The following CAST variants were observed in gnomAD, a reference collection of about 807,000 sequenced individuals.
CAST encodes the protein calpastatin.
In CAST, 76 loss-of-function variants were observed where a neutral mutation model predicts 119.6. The ratio of observed to expected loss-of-function variants is 0.64; its 90% CI spans 0.53 to 0.77. The LOEUF is 0.77. Ranked by LOEUF, CAST falls within the 30% of genes least tolerant of loss-of-function variation. CAST has a pLI of 0.00. For synonymous variants in CAST, 319 were observed against 331.6 expected (o/e 0.96, Z 0.41); for missense variants, 953 against 946.5 (o/e 1.01, Z -0.09).
At chr5:96,117,967 G>A in the CAST span, among the ~76,000 whole-genome samples, 1 of 152,136 alleles carries the variant, frequency 6.6e-6, no homozygotes, top group South Asian at 2.1e-4. Context: ...CTGTCTTTAG[G>A]TTGTTTGGAA....
chr5:96,338,985 C>G, the CAST span, among the ~76,000 whole-genome samples: 2 of 152,156 alleles, frequency 1.3e-5, no homozygotes, highest in Non-Finnish European at 2.9e-5. Flanking sequence ...TGCTCCATTT[C>G]AGTAACAGCA....
chr5:96,628,691 TAGTC>T (rs1320660292), intron 1 of CAST, among the ~76,000 whole-genome samples: 3 of 152,108 alleles, frequency 2.0e-5, no homozygotes, highest in African/African-American at 4.8e-5. Flanking sequence ...AGGATAATAA[TAGTC>T]AGAGATCATC....
chr5:96,620,145 C>T (rs1253976368), intron 1 of CAST, among the ~76,000 whole-genome samples: 1 of 152,206 alleles, frequency 6.6e-6, no homozygotes, highest in Non-Finnish European at 1.5e-5. Flanking sequence ...TTCAGTGCTA[C>T]TGAAATTCCT....
chr5:96,627,968 T>C (rs970778012), intron 1 of CAST, among the ~76,000 whole-genome samples: 1 of 152,274 alleles, frequency 6.6e-6, no homozygotes, highest in Admixed American at 6.5e-5. Context: ...CTCCGTTGAT[T>C]GACATCTGTG....
At chr5:95,994,289 A>T in the CAST span, among the ~76,000 whole-genome samples, 1 of 152,240 alleles carries the variant, frequency 6.6e-6, no homozygotes, top group Non-Finnish European at 1.5e-5. Context: ...TGGGTAACTG[A>T]TAAACAAATT....
At chr5:96,299,644 C>T in the CAST span, among the ~76,000 whole-genome samples, 6 of 152,264 alleles carry the variant, frequency 3.9e-5, no homozygotes, top group African/African-American at 1.4e-4. Flanking sequence ...GTAAATGACC[C>T]TGATATGAAG....
intron 1 of CAST, among the ~76,000 whole-genome samples, chr5:96,597,121 G>T (rs1398854398): frequency 3.3e-5 from 5 of 152,126 alleles, no homozygotes; most frequent in South Asian, 4.1e-4. Flanking sequence ...TGATCAAGAT[G>T]GCATCATCCT....
chr5:96,409,567 C>T, the CAST span, among the ~76,000 whole-genome samples: 1 of 152,196 alleles, frequency 6.6e-6, no homozygotes. Context: ...GAAAATCTTT[C>T]TTCTGCTTCA....
chr5:96,282,059 C>T, the CAST span, among the ~76,000 whole-genome samples: 2 of 151,920 alleles, frequency 1.3e-5, no homozygotes, highest in Admixed American at 6.6e-5. Context: ...GGTGGTTTGA[C>T]CAGACCTAGC....
At chr5:96,354,184 C>T in the CAST span, among the ~76,000 whole-genome samples, 9 of 152,176 alleles carry the variant, frequency 5.9e-5, no homozygotes, top group South Asian at 6.2e-4. Flanking sequence ...CAAGTGAGAG[C>T]CCCTGCTCAT....
At chr5:95,962,027 C>A in the CAST span, 17 of 407,420 alleles carry the variant, frequency 4.2e-5, no homozygotes, top group Non-Finnish European at 4.3e-6. Context: ...TGGGACGGGA[C>A]GTCCGAGAGG....
At chr5:96,664,874 T>C (rs1326652104) in intron 1 of CAST, among the ~76,000 whole-genome samples, 2 of 152,232 alleles carry the variant, frequency 1.3e-5, no homozygotes, top group Non-Finnish European at 2.9e-5. Flanking sequence ...TGAGTCATTA[T>C]TGGCCTAAGG....
At chr5:96,227,054 C>T in the CAST span, among the ~76,000 whole-genome samples, 4 of 152,126 alleles carry the variant, frequency 2.6e-5, no homozygotes, top group Non-Finnish European at 5.9e-5. Flanking sequence ...ACAAAGCTGG[C>T]GGCATCCTGG....
At chr5:96,177,385 T>A in the CAST span, among the ~76,000 whole-genome samples, 1 of 152,206 alleles carries the variant, frequency 6.6e-6, no homozygotes, top group Admixed American at 6.5e-5. Context: ...TCTGGTCCTT[T>A]GTGCAGAATG....
intron 16 of CAST, among the ~76,000 whole-genome samples, chr5:96,745,557 C>T (rs530205302): frequency 2.0e-5 from 3 of 152,258 alleles, no homozygotes; most frequent in South Asian, 2.1e-4. Flanking sequence ...GAACCTCCTA[C>T]CTTGGTTAGT....
At chr5:96,697,230 C>T (rs932710717) in intron 3 of CAST, among the ~76,000 whole-genome samples, 4 of 152,034 alleles carry the variant, frequency 2.6e-5, no homozygotes, top group Middle Eastern at 3.2e-3. Context: ...TTTAGTATGT[C>T]CAAGATTATC....
At chr5:96,573,893 G>A (rs1213566781) in intron 1 of CAST, among the ~76,000 whole-genome samples, 2 of 152,108 alleles carry the variant, frequency 1.3e-5, no homozygotes, top group Admixed American at 1.3e-4. Context: ...TTTCTGGCCT[G>A]TTTTGATTAT....
chr5:96,176,890 C>T, the CAST span, among the ~76,000 whole-genome samples: 1 of 152,116 alleles, frequency 6.6e-6, no homozygotes, highest in African/African-American at 2.4e-5. Context: ...TAATAATGTG[C>T]CTTTAAGCTT....
chr5:96,173,437 C>A, the CAST span, among the ~76,000 whole-genome samples: 1 of 152,124 alleles, frequency 6.6e-6, no homozygotes, highest in Non-Finnish European at 1.5e-5. Context: ...AATAATGGTA[C>A]TTACAAGGAG....
Sources: allele counts gnomAD v4.1 joint callset (sites outside exome capture counted in the v4.1 genomes callset), GRCh38; gene constraint gnomAD v4.1.1; transcripts MANE v1.5; gene names NCBI Gene and HGNC (gene_info 2026-07-23, HGNC 2026-07-21).